Variants in SCML4 observed in about 807,000 individuals in gnomAD.
SCML4 encodes the protein Scm polycomb group protein like 4, also known as sex comb on midleg-like protein 4.
In SCML4, 34 loss-of-function variants were observed where a neutral mutation model predicts 41.1. That is an observed-to-expected ratio of 0.83 (90% CI 0.63 to 1.10). SCML4 has a LOEUF of 1.10. Ranked by LOEUF, SCML4 falls within the 50% of genes least tolerant of loss-of-function variation. SCML4 has a pLI of 0.00. For synonymous variants in SCML4, 214 were observed against 220.9 expected, an observed-to-expected ratio of 0.97 and a Z score of 0.28; for missense variants, 522 against 534.1, an observed-to-expected ratio of 0.98 and a Z score of 0.22.
At chr6:107,754,306 T>A (rs574110037) in intron 2 of SCML4, among the ~76,000 whole-genome samples, 89 of 152,310 alleles carry the variant, frequency 5.8e-4, no homozygotes, top group Middle Eastern at 3.4e-3. Flanking sequence ...ATAAACATAA[T>A]TTAAAAGAAA....
intron 1 of SCML4, among the ~76,000 whole-genome samples, chr6:107,779,603 T>C (rs1781325479): frequency 6.6e-6 from 1 of 152,326 alleles, no homozygotes; most frequent in African/African-American, 2.4e-5. Flanking sequence ...AGTGTGTTCC[T>C]GACCTTGGGG....
the SCML4 span, among the ~76,000 whole-genome samples, chr6:107,838,767 CCAAA>C: frequency 6.6e-6 from 1 of 152,036 alleles, no homozygotes; most frequent in African/African-American, 2.4e-5. Flanking sequence ...GCTTAGAAAA[CCAAA>C]CAACAAGAAA....
At chr6:107,822,359 C>A (rs1224662963) in intron 1 of SCML4, among the ~76,000 whole-genome samples, 3 of 152,072 alleles carry the variant, frequency 2.0e-5, no homozygotes, top group African/African-American at 7.2e-5. Flanking sequence ...GAGTCAAGAA[C>A]CAGAAAGTGA....
chr6:107,806,185 T>G (rs1032042481), intron 1 of SCML4, among the ~76,000 whole-genome samples: 3 of 5,938 alleles, frequency 5.1e-4, no homozygotes, highest in Admixed American at 4.5e-3. Context: ...AAACAGAGAT[T>G]TCCCCCCCCC....
the SCML4 span, among the ~76,000 whole-genome samples, chr6:107,845,062 C>T: frequency 6.6e-6 from 1 of 152,056 alleles, no homozygotes; most frequent in South Asian, 2.1e-4. Flanking sequence ...ATGGTGAAAC[C>T]CCATCTCTAT....
chr6:107,812,880 T>TACACAC (rs141469245), intron 1 of SCML4, among the ~76,000 whole-genome samples: 46,809 of 141,238 alleles, frequency 0.33, 8,121 homozygotes, highest in Middle Eastern at 0.41. Context: ...CACAGACACA[T>TACACAC]ACACACACAC....
chr6:107,733,944 T>C (rs1369697614), intron 5 of SCML4, among the ~76,000 whole-genome samples: 1 of 152,188 alleles, frequency 6.6e-6, no homozygotes, highest in Non-Finnish European at 1.5e-5. Flanking sequence ...CCCCCGGCCA[T>C]CTGGCCAGCT....
intron 1 of SCML4, among the ~76,000 whole-genome samples, chr6:107,806,928 G>A (rs1407009016): frequency 1.3e-5 from 2 of 152,248 alleles, no homozygotes; most frequent in African/African-American, 2.4e-5. Context: ...CCCGCTGGCA[G>A]AGTTGGCTCC....
intron 2 of SCML4, among the ~76,000 whole-genome samples, chr6:107,770,824 A>G (rs1362222110): frequency 2.0e-5 from 3 of 152,206 alleles, no homozygotes; most frequent in East Asian, 3.8e-4. Context: ...AGAAAGGCCA[A>G]ATAGGAGACA....
intron 1 of SCML4, among the ~76,000 whole-genome samples, chr6:107,778,238 T>A (rs1323353182): frequency 0.035 from 321 of 9,290 alleles, 3 homozygotes; most frequent in Admixed American, 0.042. Context: ...TATATATATA[T>A]ATATATATAT....
intron 1 of SCML4, among the ~76,000 whole-genome samples, chr6:107,788,806 C>A (rs1782102361): frequency 6.6e-6 from 1 of 152,124 alleles, no homozygotes; most frequent in African/African-American, 2.4e-5. Flanking sequence ...TCTTATTTCA[C>A]AAAGAAAAAG....
At chr6:107,828,763 G>A (rs1175683493), upstream of SCML4, among the ~76,000 whole-genome samples, 4 of 152,214 alleles carry the variant, frequency 2.6e-5, no homozygotes, top group African/African-American at 9.6e-5. Flanking sequence ...AACCTAATTA[G>A]TCAGACTACA....
In SCML4 at chr6:107,746,627, T is replaced by TCTCTC. The variant is rs1778118352; in HGVS notation, c.487+61_487+62insGAGAG. 8 of 1,473,344 alleles carry TCTCTC rather than the reference T, an allele frequency of 5.4e-6. No homozygotes were observed. The Admixed American group carries it at 1.4e-4, about 25-fold the overall frequency. 91.3% of individuals were successfully genotyped at this position (1,473,344 alleles called of 1,614,324 possible). A position where few individuals can be genotyped will look rare whatever the true frequency, so the allele number is the denominator to read the frequency against. ...CACCTGCTGTCTCCAGGCCTGAGTA[T>TCTCTC]GGCTGCTTCCTCTGCAGAGAGACAT... is the stretch of plus-strand genomic sequence containing the variant. On this transcript the variant is annotated intron_variant, in intron 4 of 7. Coordinates refer to ENST00000369020, the MANE Select transcript of SCML4 (RefSeq NM_198081.5).
At chr6:107,802,715 C>T (rs1483695073) in intron 1 of SCML4, among the ~76,000 whole-genome samples, 2 of 145,730 alleles carry the variant, frequency 1.4e-5, no homozygotes, top group African/African-American at 5.3e-5. Flanking sequence ...CCCTCCTCTC[C>T]CTCTCCCTCT....
At chr6:107,757,724 A>G (rs540475213) in intron 2 of SCML4, among the ~76,000 whole-genome samples, 9 of 152,226 alleles carry the variant, frequency 5.9e-5, no homozygotes, top group Non-Finnish European at 1.2e-4. Flanking sequence ...TGAGAACTCA[A>G]TAAAAGTTAA....
intron 1 of SCML4, among the ~76,000 whole-genome samples, chr6:107,779,116 C>A (rs1012597966): frequency 6.6e-6 from 1 of 152,004 alleles, no homozygotes; most frequent in Non-Finnish European, 1.5e-5. Context: ...GGAGGCGGAG[C>A]TTGCAGTGAG....
At chr6:107,801,499 A>G (rs933044496) in intron 1 of SCML4, among the ~76,000 whole-genome samples, 1 of 152,196 alleles carries the variant, frequency 6.6e-6, no homozygotes, top group Non-Finnish European at 1.5e-5. Context: ...ATTTCTCTCC[A>G]GAATAGAGTC....
rs117131151 is a variant in SCML4 at position 107,749,254 on chromosome 6, G to A, written c.286+430C>T. On this transcript the variant is annotated intron_variant, in intron 3 of 7. Coordinates refer to ENST00000369020, the MANE Select transcript of SCML4 (RefSeq NM_198081.5). ...ATTGGGATACCTGCTACCCTGACTG[G>A]GTTGGAGGGTAGTGGGTCAGACTGA... 4.8e-3 allele frequency among the ~76,000 whole-genome samples: 737 copies of A among 152,204 alleles called. 2 individuals are homozygous for A. Among genetic ancestry groups the A allele is most frequent in the Admixed American group, 0.011 (165 of 15,274 alleles).
At chr6:107,714,307 T>A (rs1279792501) in intron 6 of SCML4, among the ~76,000 whole-genome samples, 2 of 152,100 alleles carry the variant, frequency 1.3e-5, no homozygotes, top group African/African-American at 4.8e-5. Context: ...TAGCAAGCAC[T>A]GTTACCTCTG....
Sources: gnomAD v4.1 joint callset for allele counts (sites outside exome capture counted in the v4.1 genomes callset) on GRCh38, gnomAD v4.1.1 for gene constraint, MANE v1.5 for transcripts, NCBI Gene and HGNC (gene_info 2026-07-23, HGNC 2026-07-21) for gene names.